Variants in SLC44A5 observed in about 807,000 individuals in gnomAD.
SLC44A5 encodes choline transporter-like protein 5.
Under a neutral mutation model 101.8 loss-of-function variants are expected in SLC44A5, and 57 were observed. The ratio of observed to expected loss-of-function variants is 0.56; its 90% CI spans 0.45 to 0.70. The LOEUF (loss-of-function observed/expected upper bound fraction) is 0.70, where lower values mean the gene tolerates loss of function less well. Among genes scored for constraint, SLC44A5 ranks in the 30% least tolerant of loss-of-function variants. SLC44A5 has a pLI of 0.00. For synonymous variants in SLC44A5, 281 were observed against 290.9 expected, an observed-to-expected ratio of 0.97 and a Z score of 0.35; for missense variants, 737 against 853.1, an observed-to-expected ratio of 0.86 and a Z score of 1.70.
intron 3 of SLC44A5, among the ~76,000 whole-genome samples, chr1:75,369,105 C>G (rs1442729276): frequency 6.6e-6 from 1 of 151,978 alleles, no homozygotes; most frequent in Non-Finnish European, 1.5e-5. Context: ...CCTCCAATTC[C>G]TGGGCTCAGG....
the SLC44A5 span, among the ~76,000 whole-genome samples, chr1:75,677,541 A>C: frequency 1.3e-5 from 2 of 152,172 alleles, no homozygotes; most frequent in African/African-American, 4.8e-5. Context: ...CACCTTCACT[A>C]AAAGGAAGAC....
intron 7 of SLC44A5, among the ~76,000 whole-genome samples, chr1:75,250,353 T>C (rs2100643125): frequency 6.6e-6 from 1 of 152,348 alleles, no homozygotes; most frequent in Non-Finnish European, 1.5e-5. Context: ...TATGGCTGCA[T>C]AGTATTCCAT....
At position 75,481,728 on chromosome 1, in the gene SLC44A5, T is replaced by C. The variant is rs189765241; in HGVS notation, c.13+59707A>G. 1.2e-4 allele frequency among the ~76,000 whole-genome samples: 18 copies of C among 152,224 alleles called. No homozygotes were observed. The East Asian group carries it at 3.5e-3, about 29-fold the overall frequency. ...AGATACCATCTCACATCAGTTACAA[T>C]GGCAACCATGAAAAAGTCAGGAAAC... On this transcript the variant is annotated intron_variant, in intron 2 of 23. Coordinates refer to ENST00000370859, the MANE Select transcript of SLC44A5 (RefSeq NM_001130058.2).
At chr1:75,585,232 T>C (rs908695200) in intron 1 of SLC44A5, among the ~76,000 whole-genome samples, 1 of 152,220 alleles carries the variant, frequency 6.6e-6, no homozygotes, top group African/African-American at 2.4e-5. Context: ...TTCTCTCTCT[T>C]TAAAAACACA....
At chr1:75,630,219 T>A in the SLC44A5 span, among the ~76,000 whole-genome samples, 1 of 152,274 alleles carries the variant, frequency 6.6e-6, no homozygotes, top group South Asian at 2.1e-4. Flanking sequence ...GGGTTTCTCA[T>A]CAATCCCAGG....
At chr1:75,378,556 G>GA (rs1444736517) in intron 3 of SLC44A5, among the ~76,000 whole-genome samples, 2 of 83,760 alleles carry the variant, frequency 2.4e-5, no homozygotes, top group African/African-American at 8.0e-5. Flanking sequence ...AAAAGACAAG[G>GA]AAAAAATCCC....
At chr1:75,570,593 TG>T (rs1557918644) in intron 1 of SLC44A5, among the ~76,000 whole-genome samples, 1 of 152,010 alleles carries the variant, frequency 6.6e-6, no homozygotes, top group African/African-American at 2.4e-5. Flanking sequence ...GCAGTTTTTG[TG>T]GTTTTAAAGC....
At chr1:75,471,407 A>G (rs572078365) in intron 2 of SLC44A5, among the ~76,000 whole-genome samples, 3 of 140,898 alleles carry the variant, frequency 2.1e-5, no homozygotes, top group African/African-American at 7.9e-5. Context: ...ACACACACAC[A>G]CGTACACACA....
intron 6 of SLC44A5, among the ~76,000 whole-genome samples, chr1:75,260,796 C>G (rs1160218731): frequency 6.6e-6 from 1 of 151,970 alleles, no homozygotes; most frequent in Non-Finnish European, 1.5e-5. Flanking sequence ...TCAGCAAATG[C>G]AAAAGAACAG....
rs770058898 is a variant in SLC44A5, at chr1:75,455,544, A to G, written c.14-58923T>C. Reference sequence around the variant, plus strand: ...ACTAATTAAACTAAAGCACTTCTTCACACCAAAAGATACTATCAACAAGGT... The same window carrying G: ...ACTAATTAAACTAAAGCACTTCTTCGCACCAAAAGATACTATCAACAAGGT... On this transcript the variant is annotated intron_variant, in intron 2 of 23. Transcript: ENST00000370859. Among the ~76,000 whole-genome samples the G allele has an allele frequency of 3.3e-5, 5 of 152,280 alleles. No individual in the cohort carries two copies. In the South Asian group the frequency reaches 1.0e-3, roughly 32 times the overall value.
At chr1:75,523,307 A>G (rs1484674702) in intron 2 of SLC44A5, among the ~76,000 whole-genome samples, 1 of 152,100 alleles carries the variant, frequency 6.6e-6, no homozygotes, top group African/African-American at 2.4e-5. Flanking sequence ...TTTTGTTCAT[A>G]TAATCTTGAG....
intron 2 of SLC44A5, among the ~76,000 whole-genome samples, chr1:75,483,424 T>C (rs1667980595): frequency 3.9e-5 from 6 of 152,176 alleles, no homozygotes; most frequent in Admixed American, 3.9e-4. Flanking sequence ...TAAAAAGTCC[T>C]CATTATTTGA....
chr1:75,458,461 T>C (rs1475387520), intron 2 of SLC44A5, among the ~76,000 whole-genome samples: 1 of 152,196 alleles, frequency 6.6e-6, no homozygotes, highest in Non-Finnish European at 1.5e-5. Context: ...TCACTCATGA[T>C]AGGTTTGAGG....
intron 2 of SLC44A5, among the ~76,000 whole-genome samples, chr1:75,415,235 G>A (rs1286532721): frequency 6.6e-6 from 1 of 152,192 alleles, no homozygotes; most frequent in Non-Finnish European, 1.5e-5. Flanking sequence ...GGAGGGACCT[G>A]GTGGGAGATG....
intron 14 of SLC44A5, among the ~76,000 whole-genome samples, chr1:75,221,831 C>T (rs111279329): frequency 6.6e-6 from 1 of 152,054 alleles, no homozygotes; most frequent in African/African-American, 2.4e-5. Context: ...CCTTATTCTA[C>T]CCAATGATTA....
chr1:75,678,099 C>A, the SLC44A5 span, among the ~76,000 whole-genome samples: 1 of 152,202 alleles, frequency 6.6e-6, no homozygotes, highest in African/African-American at 2.4e-5. Flanking sequence ...CTGCACCTGG[C>A]TCGGAGGGTC....
At chr1:75,685,337 T>C in the SLC44A5 span, among the ~76,000 whole-genome samples, 2 of 152,240 alleles carry the variant, frequency 1.3e-5, no homozygotes, top group Non-Finnish European at 2.9e-5. Flanking sequence ...TCATTACTTA[T>C]GCAAATTTCT....
chr1:75,392,943 C>G (rs372606278), intron 3 of SLC44A5, among the ~76,000 whole-genome samples: 18 of 152,038 alleles, frequency 1.2e-4, no homozygotes, highest in Admixed American at 4.6e-4. Context: ...TAAGTGGGAG[C>G]TAAACATTGG....
intron 1 of SLC44A5, among the ~76,000 whole-genome samples, chr1:75,576,848 C>G (rs1673396317): frequency 6.6e-6 from 1 of 152,160 alleles, no homozygotes; most frequent in South Asian, 2.1e-4. Context: ...GAGAAGTTAA[C>G]CTTTCTAAAC....
Sources: gnomAD v4.1 joint callset for allele counts (sites outside exome capture counted in the v4.1 genomes callset) on GRCh38, gnomAD v4.1.1 for gene constraint, MANE v1.5 for transcripts, NCBI Gene and HGNC (gene_info 2026-07-23, HGNC 2026-07-21) for gene names.